Variants in SLC8A3 observed in about 807,000 individuals in gnomAD.
The protein encoded by SLC8A3 is solute carrier family 8 member A3, also known as sodium/calcium exchanger 3.
In SLC8A3, 37 loss-of-function variants were observed where a neutral mutation model predicts 65.4. The ratio of observed to expected loss-of-function variants is 0.57; its 90% confidence interval spans 0.44 to 0.74. The LOEUF (loss-of-function observed/expected upper bound fraction) is 0.74. Ranked by LOEUF, SLC8A3 falls within the 30% of genes least tolerant of loss-of-function variation. The probability of loss-of-function intolerance (pLI) is 0.00; values close to 1 mark genes in which losing one functional copy is unlikely to be tolerated. For synonymous variants in SLC8A3, 461 were observed against 444.5 expected, an observed-to-expected ratio of 1.04 and a Z score of -0.47; for missense variants, 1,112 against 1,172.1, an observed-to-expected ratio of 0.95 and a Z score of 0.75.
rs773469949 is a variant in SLC8A3, at chr14:70,048,865, G to A, written c.2291C>T (p.Ala764Val). Residue 764 changes from alanine (A) to valine (V), a missense_variant, in exon 6 of 7, where the codon GCC becomes GTC. Physicochemically the swap from Ala to Val is moderately conservative, Grantham distance 64. Coordinates refer to ENST00000356921, the MANE Select transcript of SLC8A3 (RefSeq NM_182932.3). ...VSILIIGMLTAIIGDLASHFG... is the reference protein window; with the variant it reads ...VSILIIGMLTVIIGDLASHFG... ...GTGCGAGGCCAGGTCCCCAATGATGGCGGTGAGCATGCCAATGATGAGGAT... is the reference window on the plus strand; with the variant it reads ...GTGCGAGGCCAGGTCCCCAATGATGACGGTGAGCATGCCAATGATGAGGAT... The A allele has an allele frequency of 1.2e-6, 2 of 1,614,176 alleles. No individual in the cohort carries two copies. The highest frequency in any genetic ancestry group is 1.7e-6 in the Non-Finnish European group (2 of 1,180,018).
intron 1 of SLC8A3, among the ~76,000 whole-genome samples, chr14:70,173,963 G>T (rs1212106031): frequency 6.6e-6 from 1 of 152,188 alleles, no homozygotes; most frequent in Non-Finnish European, 1.5e-5. Flanking sequence ...TGTTTTTCTT[G>T]CATTATTAAT....
intron 1 of SLC8A3, among the ~76,000 whole-genome samples, chr14:70,180,691 C>T (rs1882675142): frequency 6.6e-6 from 1 of 152,208 alleles, no homozygotes; most frequent in Admixed American, 6.5e-5. Context: ...GCTCTAAACA[C>T]ATCTTTTCTG....
In SLC8A3 at chr14:70,167,272, C is replaced by A. The variant is rs765831031; in HGVS notation, c.1151G>T (p.Ser384Ile). ...AEQAKKASSMSEVHTDEPEDF... is the reference protein window; with the variant it reads ...AEQAKKASSMIEVHTDEPEDF... ...CTCAGGCTCATCGGTGTGCACCTCG[C>A]TCATGCTGGAGGCCTTCTTGGCTTG... is the stretch of plus-strand genomic sequence containing the variant. Residue 384 changes from serine (S) to isoleucine (I), a missense_variant, in exon 2 of 7, where the codon AGC becomes ATC. By Grantham distance (142) the Ser-to-Ile change is moderately radical. Coordinates refer to ENST00000356921, the MANE Select transcript of SLC8A3 (RefSeq NM_182932.3). 2.5e-6 allele frequency: 4 copies of A among 1,614,204 alleles called. No homozygotes were observed. Among genetic ancestry groups the A allele is most frequent in the Non-Finnish European group, 3.4e-6 (4 of 1,180,034 alleles).
At chr14:70,049,706 G>T (rs983375691) in intron 5 of SLC8A3, among the ~76,000 whole-genome samples, 2 of 152,122 alleles carry the variant, frequency 1.3e-5, no homozygotes, top group Non-Finnish European at 2.9e-5. Context: ...GTTCGGTGTG[G>T]CCACTCTTCA....
At chr14:70,162,852 G>C (rs1212828859) in intron 2 of SLC8A3, among the ~76,000 whole-genome samples, 1 of 152,172 alleles carries the variant, frequency 6.6e-6, no homozygotes, top group Non-Finnish European at 1.5e-5. Context: ...AATTAATCAT[G>C]TACCTATCCC....
intron 2 of SLC8A3, among the ~76,000 whole-genome samples, chr14:70,110,683 T>C (rs1188068345): frequency 2.3e-5 from 3 of 132,818 alleles, no homozygotes; most frequent in Admixed American, 7.2e-5. Flanking sequence ...CTTTTTTTTT[T>C]TTTTTTTTTT....
chr14:70,123,271 C>T (rs1894208639), intron 2 of SLC8A3, among the ~76,000 whole-genome samples: 1 of 151,604 alleles, frequency 6.6e-6, no homozygotes, highest in Non-Finnish European at 1.5e-5. Flanking sequence ...TAAATACTCT[C>T]CATGGTTAGA....
At chr14:70,068,934 T>C (rs1439647876) in intron 2 of SLC8A3, among the ~76,000 whole-genome samples, 1 of 152,092 alleles carries the variant, frequency 6.6e-6, no homozygotes, top group Non-Finnish European at 1.5e-5. Flanking sequence ...ACCATGCTGG[T>C]CTCAAACTCT....
intron 5 of SLC8A3, 147 bp from the exon 6 acceptor site, chr14:70,049,189 G>C: frequency 1.3e-6 from 1 of 779,670 alleles, no homozygotes; most frequent in Non-Finnish European, 2.0e-6. Flanking sequence ...GCCAGGGCCA[G>C]CGTGCCAGAA....
Position 70,066,420 on chromosome 14 carries a change from T to C in SLC8A3, c.1785-5481A>G, listed in dbSNP as rs530264251. 1.1e-4 allele frequency among the ~76,000 whole-genome samples: 17 copies of C among 152,304 alleles called. No individual in the cohort carries two copies. In the East Asian group the frequency reaches 3.3e-3, roughly 29 times the overall value. On this transcript the variant is annotated intron_variant, in intron 2 of 6. Transcript: ENST00000356921. ...TTGCCCAGTTTTCCTAAACCTGGAA[T>C]CACCCCTCATTCTTTCCTCACTCTC...
At chr14:70,121,609 G>A (rs890545139) in intron 2 of SLC8A3, among the ~76,000 whole-genome samples, 3 of 152,168 alleles carry the variant, frequency 2.0e-5, no homozygotes, top group Non-Finnish European at 2.9e-5. Context: ...AGTCAAATAA[G>A]GGTAGGGGGT....
chr14:70,167,154 T>C lies in SLC8A3; in HGVS notation c.1269A>G (p.Gly423=). 1 of 1,614,054 alleles carries C rather than the reference T, an allele frequency of 6.2e-7. No homozygotes were observed. The highest frequency in any genetic ancestry group is 8.5e-7 in the Non-Finnish European group (1 of 1,180,002). Residue 423 remains glycine, a synonymous_variant, in exon 2 of 7, where the codon GGA becomes GGG. Transcript: ENST00000356921. The part of the protein sequence containing the change: ...AVLLTVVRKG[G]DMSKTMYVDY... ...CCACATACATGGTCTTTGACATGTCTCCCCCTTTCCTCACCACTGTCAGGA... is the reference window on the plus strand; with the variant it reads ...CCACATACATGGTCTTTGACATGTCCCCCCCTTTCCTCACCACTGTCAGGA...
At chr14:70,070,809 T>C (rs1889944052) in intron 2 of SLC8A3, among the ~76,000 whole-genome samples, 1 of 152,196 alleles carries the variant, frequency 6.6e-6, no homozygotes, top group African/African-American at 2.4e-5. Context: ...CTACAGCCAG[T>C]GGTGAGCTAA....
In SLC8A3 at chr14:70,045,901, TAGG is replaced by T. The variant is rs1566725690; in HGVS notation, c.*43_*45del. 2.0e-6 allele frequency: 3 copies of T among 1,506,326 alleles called. No homozygotes were observed. Among genetic ancestry groups the T allele is most frequent in the Admixed American group, 2.2e-5 (1 of 46,326 alleles). 93.3% of individuals were successfully genotyped at this position (1,506,326 alleles called of 1,614,324 possible). A position where few individuals can be genotyped will look rare whatever the true frequency, so the allele number is the denominator to read the frequency against. On this transcript the variant is annotated 3_prime_UTR_variant, in exon 7 of 7. Coordinates refer to ENST00000356921, the MANE Select transcript of SLC8A3 (RefSeq NM_182932.3). ...CACTGGTGGGGAAGTGCCCTTCTCT[TAGG>T]AGAAGTCCTAGGCCTGCCCTGCTGG... is the stretch of plus-strand genomic sequence containing the variant.
intron 1 of SLC8A3, among the ~76,000 whole-genome samples, chr14:70,179,946 C>A (rs1397798121): frequency 6.6e-6 from 1 of 152,172 alleles, no homozygotes; most frequent in Non-Finnish European, 1.5e-5. Flanking sequence ...CCAGAGGTCT[C>A]CTTTCAGCAG....
intron 2 of SLC8A3, among the ~76,000 whole-genome samples, chr14:70,077,189 A>G (rs1890611676): frequency 6.6e-6 from 1 of 152,086 alleles, no homozygotes; most frequent in African/African-American, 2.4e-5. Flanking sequence ...GAGGGTGAGA[A>G]GTTTGGCAGG....
intron 2 of SLC8A3, among the ~76,000 whole-genome samples, chr14:70,086,061 T>C (rs1455556157): frequency 1.3e-5 from 2 of 152,230 alleles, no homozygotes; most frequent in African/African-American, 4.8e-5. Context: ...ATGGAGGGAA[T>C]TGTGGCCTCT....
Position 70,109,550 on chromosome 14 carries a change from G to A in SLC8A3, c.1785-48611C>T, listed in dbSNP as rs184365514. The stretch of plus-strand genomic sequence containing the variant: ...GTTCACTGCAACCTCCACCTCCTAT[G>A]TTCAAGCAATTCTCCTGCCTCAGCC... On this transcript the variant is annotated intron_variant, in intron 2 of 6. Transcript: ENST00000356921. 4.7e-3 allele frequency among the ~76,000 whole-genome samples: 717 copies of A among 151,890 alleles called. 9 individuals are homozygous for A. The highest frequency in any genetic ancestry group is 0.016 in the African/African-American group (651 of 41,420).
At chr14:70,115,746 G>C (rs2140161560) in intron 2 of SLC8A3, among the ~76,000 whole-genome samples, 1 of 152,264 alleles carries the variant, frequency 6.6e-6, no homozygotes, top group South Asian at 2.1e-4. Context: ...ATTTATGCTG[G>C]ACTTTTCACT....
Sources: allele counts gnomAD v4.1 joint callset (sites outside exome capture counted in the v4.1 genomes callset), GRCh38; gene constraint gnomAD v4.1.1; transcripts MANE v1.5; gene names NCBI Gene and HGNC (gene_info 2026-07-23, HGNC 2026-07-21).